The following DYSF variants were observed in gnomAD, a reference collection of about 807,000 sequenced individuals.
The protein encoded by DYSF is dysferlin.
In DYSF, 212 loss-of-function variants were observed where a neutral mutation model predicts 274.9. The observed-to-expected ratio is 0.77, with a 90% CI of 0.69 to 0.86. The LOEUF is 0.86. Among genes scored for constraint, DYSF ranks in the 40% least tolerant of loss-of-function variants. DYSF has a pLI of 0.00. For synonymous variants in DYSF, 1,091 were observed against 1,078.7 expected (o/e 1.01, Z -0.22); for missense variants, 2,666 against 2,783.2 (o/e 0.96, Z 0.95).
chr2:71,599,826 C>T (rs539297517), intron 33 of DYSF, among the ~76,000 whole-genome samples: 3 of 152,214 alleles, frequency 2.0e-5, no homozygotes, highest in Non-Finnish European at 4.4e-5. Context: ...GAAGGTGCTG[C>T]TGTCTATATG....
chr2:71,686,628 T>G lies in DYSF; in HGVS notation c.*136T>G. ...CTGCCAGGGTGGGCAGACAGACAGA[T>G]GGACCGGCCCACACTCCCAGAGTTG... On this transcript the variant is annotated 3_prime_UTR_variant, in exon 56 of 56. Transcript: ENST00000410020. 9.9e-7 allele frequency: 1 copy of G among 1,013,844 alleles called. No homozygotes were observed. Among genetic ancestry groups the G allele is most frequent in the Middle Eastern group, 2.0e-4 (1 of 4,912 alleles). 62.8% of individuals were successfully genotyped at this position (1,013,844 alleles called of 1,614,324 possible). A position where few individuals can be genotyped will look rare whatever the true frequency, so the allele number is the denominator to read the frequency against.
chr2:71,578,749 C>T (rs1446545233), intron 30 of DYSF, among the ~76,000 whole-genome samples: 5 of 152,108 alleles, frequency 3.3e-5, no homozygotes, highest in African/African-American at 4.8e-5. Context: ...TGACCCAACA[C>T]GTCCACCAGC....
chr2:71,637,338 C>T (rs572673602), intron 41 of DYSF, among the ~76,000 whole-genome samples: 40 of 152,212 alleles, frequency 2.6e-4, no homozygotes, highest in East Asian at 1.7e-3. Context: ...GGGTGCAAGC[C>T]GAGCACCCAC....
At position 71,656,166 on chromosome 2, in the gene DYSF, A is replaced by G. The variant is rs757820496; in HGVS notation, c.4631A>G (p.Tyr1544Cys). The G allele has an allele frequency of 5.6e-6, 9 of 1,613,856 alleles. No individual in the cohort carries two copies. The highest frequency in any genetic ancestry group is 1.7e-5 in the Admixed American group (1 of 59,986). Residue 1544 changes from tyrosine (Y) to cysteine (C), a missense_variant, in exon 43 of 56, where the codon TAT (tyrosine) becomes TGT (cysteine). Tyr to Cys is a radical substitution (Grantham distance 194, BLOSUM62 -2). Around this residue, in one of 3 missense-constraint regions of DYSF, gnomAD observed 1,460 missense variants for 1,502.1 expected, o/e 0.97. Transcript: ENST00000410020. ...TCTAATCCCCATGTGTGGCAGGTCTATGACACACAGCTGGAGAATGTGGAG... is the reference window on the plus strand; with the variant it reads ...TCTAATCCCCATGTGTGGCAGGTCTGTGACACACAGCTGGAGAATGTGGAG... ...LEKDFDTLKV[Y>C]DTQLENVEAF...
chr2:71,613,335 C>A lies in DYSF; in HGVS notation c.4389C>A (p.Asp1463Glu), dbSNP rs61746816. The stretch of plus-strand genomic sequence containing the variant: ...CCTGGATGGCTCCCTCCCCTGCAGA[C>A]GATGTGAGCCTACTCAGTCCTGGGG... ...AESPSPQGGP[D>E]DVSLLSPGED... Residue 1463 changes from aspartate to glutamate, a missense_variant and splice_region_variant, in exon 40 of 56, where the codon GAC becomes GAA. By Grantham distance (45) the Asp-to-Glu change is conservative (BLOSUM62 2). Coordinates refer to ENST00000410020, the MANE Select transcript of DYSF (RefSeq NM_001130987.2). 6.2e-7 allele frequency: 1 copy of A among 1,612,522 alleles called. No individual in the cohort carries two copies. Among genetic ancestry groups the A allele is most frequent in the South Asian group, 1.1e-5 (1 of 90,426 alleles).
intron 45 of DYSF, among the ~76,000 whole-genome samples, chr2:71,661,608 T>C (rs2094882327): frequency 6.6e-6 from 1 of 152,172 alleles, no homozygotes; most frequent in African/African-American, 2.4e-5. Flanking sequence ...TCAATGCCCA[T>C]TGCATGGGAG....
At chr2:71,544,129 T>C (rs965786748) in intron 17 of DYSF, among the ~76,000 whole-genome samples, 1 of 152,276 alleles carries the variant, frequency 6.6e-6, no homozygotes, top group African/African-American at 2.4e-5. Flanking sequence ...AATCATTTTC[T>C]GTAATATGCA....
At chr2:71,564,537 A>C (rs932506573) in intron 24 of DYSF, among the ~76,000 whole-genome samples, 38 of 152,104 alleles carry the variant, frequency 2.5e-4, no homozygotes, top group Admixed American at 1.8e-3. Flanking sequence ...CAGGTCCCTT[A>C]TAGGGAGGCC....
rs2090849318 is a variant in DYSF, at chr2:71,550,410, ATG to A, written c.1577-622_1577-621del. On this transcript the variant is annotated intron_variant, in intron 17 of 55. Coordinates refer to ENST00000410020, the MANE Select transcript of DYSF (RefSeq NM_001130987.2). ...CTGTTAAAAAATTGTTCTTTGTACA[ATG>A]TGTGTGTGGGGAGGAGATTCTGGGA... Among the ~76,000 whole-genome samples, 4 of 152,196 alleles carry A rather than the reference ATG, an allele frequency of 2.6e-5. No individual in the cohort carries two copies. The South Asian group carries it at 6.2e-4, about 24-fold the overall frequency.
intron 17 of DYSF, 119 bp downstream of exon 17, chr2:71,539,358 T>C: frequency 1.2e-6 from 1 of 819,634 alleles, no homozygotes; most frequent in East Asian, 2.6e-5. Context: ...AAGGCCTCTG[T>C]TGCCCATTTT....
Position 71,568,136 on chromosome 2 carries a change from C to T in DYSF, c.2698-36C>T, listed in dbSNP as rs759532603. ...CTCCCACTACCTGGAGCTGCCTTGG[C>T]CCCCTGCTCACGCCTCATTCTTCCT... On this transcript the variant is annotated intron_variant, in intron 25 of 55. Transcript: ENST00000410020. 3.1e-6 allele frequency: 5 copies of T among 1,614,226 alleles called. No homozygotes were observed. The East Asian group carries it at 6.7e-5, about 22-fold the overall frequency.
intron 1 of DYSF, chr2:71,454,165 C>A: frequency 7.3e-7 from 1 of 1,378,922 alleles, no homozygotes; most frequent in Non-Finnish European, 1.0e-6. Flanking sequence ...CCCTGGAGAG[C>A]ACCTAGAGCT....
intron 3 of DYSF, among the ~76,000 whole-genome samples, chr2:71,493,931 A>C (rs1475495289): frequency 1.3e-5 from 2 of 151,968 alleles, no homozygotes; most frequent in African/African-American, 4.8e-5. Flanking sequence ...TGAGGATTAC[A>C]TAATTATTTT....
intron 1 of DYSF, among the ~76,000 whole-genome samples, chr2:71,467,230 G>T (rs1237354490): frequency 2.6e-5 from 4 of 152,236 alleles, no homozygotes. Flanking sequence ...GCTTTTACTG[G>T]GTAGTGGGGA....
chr2:71,484,045 C>CTTTT lies in DYSF; in HGVS notation c.239+2097_239+2100dup, dbSNP rs59780652. Among the ~76,000 whole-genome samples the CTTTT allele has an allele frequency of 1.4e-3, 93 of 67,596 alleles. 2 individuals carry two copies. The highest frequency in any genetic ancestry group is 1.6e-3 in the Non-Finnish European group (65 of 39,724). 44.3% of individuals were successfully genotyped at this position (67,596 alleles called of 152,430 possible). A position where few individuals can be genotyped will look rare whatever the true frequency, so the allele number is the denominator to read the frequency against. On this transcript the variant is annotated intron_variant, in intron 3 of 55. Transcript: ENST00000410020. The stretch of plus-strand genomic sequence containing the variant: ...TTACAGGCTCTGTGGGGAGATTTCC[C>CTTTT]TTTTTTTTTTTTTTTTTTTTTTTTT...
intron 26 of DYSF, among the ~76,000 whole-genome samples, chr2:71,569,456 G>A (rs777056854): frequency 1.3e-4 from 20 of 152,014 alleles, no homozygotes; most frequent in Admixed American, 6.6e-5. Context: ...TAAAAAAATT[G>A]AAGTATAACA....
intron 3 of DYSF, among the ~76,000 whole-genome samples, chr2:71,495,621 C>T (rs1024457306): frequency 6.6e-6 from 1 of 152,110 alleles, no homozygotes; most frequent in Admixed American, 6.5e-5. Context: ...TAGCTTGTCT[C>T]CTGTCCACTT....
At chr2:71,504,196 G>C (rs1481236819) in intron 4 of DYSF, among the ~76,000 whole-genome samples, 1 of 152,178 alleles carries the variant, frequency 6.6e-6, no homozygotes, top group Non-Finnish European at 1.5e-5. Context: ...ATAGTCAGTG[G>C]CTGTTCCCAT....
chr2:71,611,983 A>G (rs779243277), intron 38 of DYSF, among the ~76,000 whole-genome samples: 3 of 151,952 alleles, frequency 2.0e-5, no homozygotes, highest in African/African-American at 4.8e-5. Flanking sequence ...TTTTCTGACC[A>G]TGTCCTCCCC....
Sources: gnomAD v4.1 joint callset for allele counts (sites outside exome capture counted in the v4.1 genomes callset) on GRCh38, gnomAD v4.1.1 for gene constraint, gnomAD v4.1.1 regional missense constraint, MANE v1.5 for transcripts, NCBI Gene and HGNC (gene_info 2026-07-23, HGNC 2026-07-21) for gene names.